Variants in SLC4A8 observed in about 807,000 individuals in gnomAD.
SLC4A8 encodes electroneutral sodium bicarbonate exchanger 1.
SLC4A8 carries 40 observed loss-of-function variants against 125.0 expected under a neutral mutation model. The ratio of observed to expected loss-of-function variants is 0.32; its 90% CI spans 0.25 to 0.42. The LOEUF is 0.42. SLC4A8 is among the 10% of genes least tolerant of loss of function. The pLI is 1.00. For missense variants in SLC4A8, 863 were observed against 1,355.1 expected (o/e 0.64, Z 5.70); for synonymous variants, 456 against 476.0 (o/e 0.96, Z 0.55).
intron 1 of SLC4A8, among the ~76,000 whole-genome samples, chr12:51,429,669 T>A (rs1445348416): frequency 6.6e-6 from 1 of 150,934 alleles, no homozygotes; most frequent in Non-Finnish European, 1.5e-5. Context: ...TGTCCAGCTA[T>A]TTTTTTTTAT....
rs1938440287 is a variant in SLC4A8 at position 51,513,669 on chromosome 12, G to T, written c.*6231G>T. On this transcript the variant is annotated 3_prime_UTR_variant, in exon 25 of 25. Coordinates refer to ENST00000453097, the MANE Select transcript of SLC4A8 (RefSeq NM_001039960.3). ...GGGATTTCACCATGTTGGCCAGGAT[G>T]GTCTTGATCTCTTGACCTCATGATC... The T allele has an allele frequency of 6.6e-6, 1 of 152,296 alleles. No individual in the cohort carries two copies. Among genetic ancestry groups the T allele is most frequent in the African/African-American group, 2.4e-5 (1 of 41,468 alleles). The allele number at this position is 152,296 out of a possible 1,614,324, so 9.4% of individuals were successfully genotyped here. A position where few individuals can be genotyped will look rare whatever the true frequency, so the allele number is the denominator to read the frequency against.
At chr12:51,469,157 A>G (rs996209441) in intron 11 of SLC4A8, 1 of 155,010 alleles carries the variant, frequency 6.5e-6, no homozygotes. Context: ...TGAATGAATT[A>G]TTATATACAT....
At chr12:51,463,445 G>C (rs1402573884) in intron 10 of SLC4A8, among the ~76,000 whole-genome samples, 169 bp from the exon 11 acceptor site, 2 of 150,186 alleles carry the variant, frequency 1.3e-5, no homozygotes, top group African/African-American at 2.4e-5. Context: ...GTGTGTGTGT[G>C]TGTGTTTCGG....
chr12:51,465,676 C>A (rs1191104140), intron 11 of SLC4A8, among the ~76,000 whole-genome samples: 2 of 152,146 alleles, frequency 1.3e-5, no homozygotes, highest in African/African-American at 2.4e-5. Flanking sequence ...ATGGGAGATG[C>A]TTCCTCTTTC....
intron 1 of SLC4A8, among the ~76,000 whole-genome samples, chr12:51,435,483 C>T (rs1008443472): frequency 1.2e-4 from 18 of 152,208 alleles, no homozygotes; most frequent in African/African-American, 3.4e-4. Flanking sequence ...TGAAGCCAGG[C>T]GTGGTGGCTC....
chr12:51,412,986 C>T (rs1398085333), intron 1 of SLC4A8, among the ~76,000 whole-genome samples: 1 of 152,212 alleles, frequency 6.6e-6, no homozygotes, highest in African/African-American at 2.4e-5. Flanking sequence ...TTTTAAGGAA[C>T]CTCCATACTG....
chr12:51,422,706 A>G (rs1373584004), upstream of SLC4A8, among the ~76,000 whole-genome samples: 2 of 152,166 alleles, frequency 1.3e-5, no homozygotes, highest in Non-Finnish European at 2.9e-5. Flanking sequence ...GCTCTTCTCA[A>G]TAACTTTCTG....
chr12:51,456,209 G>A (rs1950146748), intron 5 of SLC4A8, among the ~76,000 whole-genome samples: 1 of 152,136 alleles, frequency 6.6e-6, no homozygotes, highest in African/African-American at 2.4e-5. Flanking sequence ...AGGGAGACAT[G>A]AGGTGGATGT....
At chr12:51,392,272 G>A (rs1420263113) in intron 1 of SLC4A8, 2 of 152,272 alleles carry the variant, frequency 1.3e-5, no homozygotes, top group African/African-American at 4.8e-5. Context: ...AGAATCACCT[G>A]AGAACTTATT....
chr12:51,421,398 A>C (rs927964034), upstream of SLC4A8, among the ~76,000 whole-genome samples: 1 of 152,240 alleles, frequency 6.6e-6, no homozygotes. Flanking sequence ...AGATAGCAGC[A>C]GCCTTAGCTG....
In SLC4A8 at chr12:51,424,967, G is replaced by A. The variant is rs1426641136; in HGVS notation, c.-21G>A. The A allele has an allele frequency of 1.3e-6, 2 of 1,551,270 alleles. No homozygotes were observed. The highest frequency in any genetic ancestry group is 8.7e-7 in the Non-Finnish European group (1 of 1,147,428). On this transcript the variant is annotated 5_prime_UTR_variant, in exon 1 of 25. Transcript: ENST00000453097. ...GATGCTTGGCTTGGAGCCCGTGGGG[G>A]AGACCTAGTTCGGCTCCGCCATGCC...
chr12:51,450,743 T>A lies in SLC4A8; in HGVS notation c.131-133T>A, dbSNP rs1027842744. ...TCTTTACTCCTGGAAGTCTTTGAAG[T>A]TTTGTTGTTCCAGAGCTGTGACCAG... is the stretch of plus-strand genomic sequence containing the variant. On this transcript the variant is annotated intron_variant, in intron 2 of 24. Transcript: ENST00000453097. The A allele has an allele frequency of 3.2e-6, 3 of 946,490 alleles. No homozygotes were observed. The African/African-American group carries it at 5.0e-5, about 16-fold the overall frequency. 58.6% of individuals were successfully genotyped at this position (946,490 alleles called of 1,614,324 possible).
intron 1 of SLC4A8, among the ~76,000 whole-genome samples, chr12:51,400,602 C>T (rs1948353008): frequency 6.6e-6 from 1 of 150,756 alleles, no homozygotes; most frequent in East Asian, 2.0e-4. Context: ...CCTAGAACAC[C>T]TCAGGGGTCT....
chr12:51,483,980 C>A (rs1187004016), intron 16 of SLC4A8, among the ~76,000 whole-genome samples: 5 of 152,108 alleles, frequency 3.3e-5, no homozygotes, highest in African/African-American at 9.7e-5. Flanking sequence ...TGAGTGAGAA[C>A]ATGCGGTGTT....
chr12:51,471,641 C>T (rs1950703337), intron 14 of SLC4A8, 109 bp downstream of exon 14: 3 of 1,260,404 alleles, frequency 2.4e-6, no homozygotes, highest in South Asian at 1.4e-5. Flanking sequence ...AAGTGTCTTG[C>T]CCTTTAGGAA....
intron 17 of SLC4A8, 78 bp from the exon 18 acceptor site, chr12:51,488,621 A>G (rs1951222539): frequency 3.9e-6 from 4 of 1,032,446 alleles, no homozygotes; most frequent in African/African-American, 1.6e-5. Flanking sequence ...AGAAATATGG[A>G]TATTGTGATC....
At chr12:51,474,252 T>C (rs1233214654) in intron 14 of SLC4A8, 90 bp from the exon 15 acceptor site, 1 of 786,216 alleles carries the variant, frequency 1.3e-6, no homozygotes, top group African/African-American at 1.7e-5. Context: ...GCAAGGCAGC[T>C]CCTGACAGCC....
intron 1 of SLC4A8, among the ~76,000 whole-genome samples, chr12:51,416,272 A>C (rs1332379259): frequency 1.9e-5 from 2 of 107,322 alleles, no homozygotes; most frequent in Non-Finnish European, 3.7e-5. Context: ...TTTCACTTTC[A>C]TTCTCTCCCA....
intron 24 of SLC4A8, 96 bp from the exon 25 acceptor site, chr12:51,507,330 C>T: frequency 2.6e-6 from 2 of 775,768 alleles, no homozygotes; most frequent in Non-Finnish European, 3.8e-6. Context: ...AAAATATAGC[C>T]AGATCCAAAT....
Sources: allele counts gnomAD v4.1 joint callset (sites outside exome capture counted in the v4.1 genomes callset), GRCh38; gene constraint gnomAD v4.1.1; transcripts MANE v1.5; gene names NCBI Gene and HGNC (gene_info 2026-07-23, HGNC 2026-07-21).